The following BLTP3A variants were observed in gnomAD, a reference collection of about 807,000 sequenced individuals.
BLTP3A encodes ICBP90 binding protein 1.
the BLTP3A span, chr6:34,874,205 C>A: frequency 6.6e-6 from 1 of 152,154 alleles, no homozygotes; most frequent in Admixed American, 6.5e-5. Flanking sequence ...TACTTCCAGG[C>A]AGTGAAAGGT....
At chr6:34,859,619 T>G in the BLTP3A span, 1 of 1,597,908 alleles carries the variant, frequency 6.3e-7, no homozygotes, top group African/African-American at 1.3e-5. Flanking sequence ...CTTCTCCTAG[T>G]TCTGATCATT....
chr6:34,861,016 C>CT, the BLTP3A span, among the ~76,000 whole-genome samples: 1 of 152,192 alleles, frequency 6.6e-6, no homozygotes, highest in Non-Finnish European at 1.5e-5. Context: ...CCCAGTTACT[C>CT]TCAATTCTCT....
chr6:34,819,311 C>T, the BLTP3A span, among the ~76,000 whole-genome samples: 4 of 128,850 alleles, frequency 3.1e-5, no homozygotes, highest in African/African-American at 5.8e-5. Flanking sequence ...CCCCTCCCCC[C>T]ACCCCACCAC....
At chr6:34,799,175 C>T in the BLTP3A span, among the ~76,000 whole-genome samples, 1 of 152,118 alleles carries the variant, frequency 6.6e-6, no homozygotes, top group African/African-American at 2.4e-5. Flanking sequence ...CTCCAGACCT[C>T]AAGTGATCCG....
the BLTP3A span, among the ~76,000 whole-genome samples, chr6:34,825,270 G>T: frequency 6.6e-6 from 1 of 151,816 alleles, no homozygotes; most frequent in Admixed American, 6.6e-5. Flanking sequence ...TACTTCCAAG[G>T]GGGTGAAAGG....
chr6:34,822,962 GA>G, the BLTP3A span, among the ~76,000 whole-genome samples: 1 of 152,062 alleles, frequency 6.6e-6, no homozygotes, highest in Non-Finnish European at 1.5e-5. Flanking sequence ...GAATCCCCAG[GA>G]AAAATAATAT....
chr6:34,833,004 A>G, the BLTP3A span, among the ~76,000 whole-genome samples: 1 of 152,092 alleles, frequency 6.6e-6, no homozygotes, highest in Admixed American at 6.5e-5. Flanking sequence ...TCACATCTAG[A>G]GGGACTTTGT....
the BLTP3A span, among the ~76,000 whole-genome samples, chr6:34,824,725 C>T: frequency 6.6e-6 from 1 of 151,692 alleles, no homozygotes; most frequent in African/African-American, 2.4e-5. Flanking sequence ...GGCTGGAGTG[C>T]AGTGGCACGA....
chr6:34,836,424 G>A, the BLTP3A span: 2 of 1,403,908 alleles, frequency 1.4e-6, no homozygotes, highest in Admixed American at 2.0e-5. Context: ...GGGGATGAAG[G>A]CTCTTTTCAG....
At chr6:34,869,128 A>C in the BLTP3A span, among the ~76,000 whole-genome samples, 1 of 151,906 alleles carries the variant, frequency 6.6e-6, no homozygotes, top group African/African-American at 2.4e-5. Context: ...CATCCTCCTG[A>C]GTAGCTGGGA....
chr6:34,807,531 C>CA, the BLTP3A span, among the ~76,000 whole-genome samples: 1 of 152,218 alleles, frequency 6.6e-6, no homozygotes, highest in African/African-American at 2.4e-5. Flanking sequence ...TTAGAATGTT[C>CA]AGCAAGGCTA....
At chr6:34,834,361 G>A in the BLTP3A span, 3 of 1,613,710 alleles carry the variant, frequency 1.9e-6, no homozygotes, top group Non-Finnish European at 2.5e-6. Context: ...ACTGGCAGCA[G>A]AGTGACCTTC....
the BLTP3A span, among the ~76,000 whole-genome samples, chr6:34,839,703 A>G: frequency 1.3e-5 from 2 of 152,206 alleles, no homozygotes; most frequent in Non-Finnish European, 2.9e-5. Context: ...CAGCTCTCTC[A>G]TCAACAGCTC....
the BLTP3A span, among the ~76,000 whole-genome samples, chr6:34,863,033 A>C: frequency 1.3e-5 from 2 of 151,522 alleles, no homozygotes; most frequent in Admixed American, 6.6e-5. Flanking sequence ...CTCAGCCCCC[A>C]GTAGCTGGAC....
the BLTP3A span, among the ~76,000 whole-genome samples, chr6:34,798,330 T>G: frequency 6.6e-6 from 1 of 152,232 alleles, no homozygotes; most frequent in South Asian, 2.1e-4. Context: ...AGGGCCGTTA[T>G]GAACAGCGCT....
At chr6:34,819,747 G>A in the BLTP3A span, among the ~76,000 whole-genome samples, 2 of 152,224 alleles carry the variant, frequency 1.3e-5, no homozygotes, top group African/African-American at 4.8e-5. Flanking sequence ...GCAGATAGTG[G>A]TGTGGAGGGA....
At chr6:34,796,619 G>A in the BLTP3A span, among the ~76,000 whole-genome samples, 31 of 152,238 alleles carry the variant, frequency 2.0e-4, no homozygotes, top group South Asian at 5.0e-3. Context: ...ATGACCTTTC[G>A]TTATACAAAT....
the BLTP3A span, among the ~76,000 whole-genome samples, chr6:34,797,266 A>C: frequency 6.6e-6 from 1 of 152,236 alleles, no homozygotes; most frequent in Non-Finnish European, 1.5e-5. Context: ...TGTGAACCTC[A>C]GCGATAGAGA....
chr6:34,805,409 A>G, the BLTP3A span, among the ~76,000 whole-genome samples: 1 of 152,080 alleles, frequency 6.6e-6, no homozygotes, highest in Non-Finnish European at 1.5e-5. Flanking sequence ...CCTGGCCAAC[A>G]TGGCAAAACC....
Sources: allele counts gnomAD v4.1 joint callset (sites outside exome capture counted in the v4.1 genomes callset), GRCh38; gene constraint gnomAD v4.1.1; transcripts MANE v1.5; gene names NCBI Gene and HGNC (gene_info 2026-07-23, HGNC 2026-07-21).